The following TMTC2 variants were observed in gnomAD, a reference collection of about 807,000 sequenced individuals.
The protein encoded by TMTC2 is transmembrane O-mannosyltransferase targeting cadherins 2, also known as protein O-mannosyl-transferase TMTC2.
In TMTC2, 43 loss-of-function variants were observed where a neutral mutation model predicts 82.4. The observed-to-expected ratio is 0.52, with a 90% CI of 0.41 to 0.67. TMTC2 has a LOEUF of 0.67. TMTC2 is among the 30% of genes least tolerant of loss of function. The probability of loss-of-function intolerance (pLI) is 0.00; values close to 1 mark genes in which losing one functional copy is unlikely to be tolerated. For synonymous variants in TMTC2, 408 were observed against 381.9 expected (o/e 1.07, Z -0.80); for missense variants, 919 against 1,012.4 (o/e 0.91, Z 1.25).
intron 1 of TMTC2, among the ~76,000 whole-genome samples, chr12:82,725,030 A>G (rs1355857508): frequency 6.6e-6 from 1 of 152,158 alleles, no homozygotes. Flanking sequence ...TAATTATCCA[A>G]AATTTCTGAG....
intron 1 of TMTC2, among the ~76,000 whole-genome samples, chr12:82,750,608 G>A (rs1441090109): frequency 1.3e-5 from 2 of 152,118 alleles, no homozygotes; most frequent in Non-Finnish European, 1.5e-5. Context: ...TTTTCACAGT[G>A]CTGTGAGATA....
intron 3 of TMTC2, among the ~76,000 whole-genome samples, chr12:82,898,933 G>A (rs1873819298): frequency 6.6e-6 from 1 of 152,180 alleles, no homozygotes; most frequent in African/African-American, 2.4e-5. Flanking sequence ...AAAACGTTTT[G>A]TAACGCTTAG....
In TMTC2 at chr12:82,750,154, GT is replaced by G. The variant is rs527552058; in HGVS notation, c.83+62493del. Among the ~76,000 whole-genome samples, 90 of 151,618 alleles carry G rather than the reference GT, an allele frequency of 5.9e-4. 1 individual carries two copies. The East Asian group carries it at 0.014, about 23-fold the overall frequency. ...ATGGCTCACTACATACTTATTTGTA[GT>G]TTTTTTTCTCATTCCTTTAATTGTA... is the stretch of plus-strand genomic sequence containing the variant. On this transcript the variant is annotated intron_variant, in intron 1 of 11. Transcript: ENST00000321196.
At chr12:82,972,260 C>T (rs1227106350) in intron 7 of TMTC2, among the ~76,000 whole-genome samples, 1 of 152,040 alleles carries the variant, frequency 6.6e-6, no homozygotes, top group Admixed American at 6.5e-5. Context: ...TTTCATCATA[C>T]TGTTCTGATT....
At chr12:82,981,172 CTTCTT>C (rs994008508) in intron 7 of TMTC2, among the ~76,000 whole-genome samples, 3 of 151,790 alleles carry the variant, frequency 2.0e-5, no homozygotes, top group Admixed American at 2.0e-4. Context: ...TTACTTTTGT[CTTCTT>C]TTCTTAACAG....
chr12:82,747,218 G>A (rs1002996960), intron 1 of TMTC2, among the ~76,000 whole-genome samples: 68 of 152,152 alleles, frequency 4.5e-4, no homozygotes, highest in Non-Finnish European at 5.1e-4. Context: ...TATATGAGAG[G>A]TGCTAATTAA....
intron 11 of TMTC2, among the ~76,000 whole-genome samples, chr12:83,122,177 C>A (rs1465281713): frequency 6.6e-6 from 1 of 152,016 alleles, no homozygotes; most frequent in East Asian, 1.9e-4. Flanking sequence ...GCTATGAAAG[C>A]AAGTTTCGCC....
chr12:82,741,453 G>C (rs1307652672), intron 1 of TMTC2, among the ~76,000 whole-genome samples: 1 of 152,132 alleles, frequency 6.6e-6, no homozygotes, highest in African/African-American at 2.4e-5. Flanking sequence ...TGGGACTACA[G>C]GCACGCGCCA....
At chr12:82,753,332 T>G (rs1876119453) in intron 1 of TMTC2, among the ~76,000 whole-genome samples, 1 of 151,930 alleles carries the variant, frequency 6.6e-6, no homozygotes. Context: ...ATGGCTTTTT[T>G]TTTTTTTTTT....
At chr12:82,877,048 T>A in intron 2 of TMTC2, among the ~76,000 whole-genome samples, 1 of 129,144 alleles carries the variant, frequency 7.7e-6, no homozygotes, top group East Asian at 2.4e-4. Context: ...GCTGTACCTG[T>A]GGTTACTAAT....
At chr12:82,708,735 T>G (rs2136909531) in intron 1 of TMTC2, among the ~76,000 whole-genome samples, 1 of 152,346 alleles carries the variant, frequency 6.6e-6, no homozygotes, top group East Asian at 1.9e-4. Context: ...CCTCCTTAGC[T>G]GCAAGCCTGT....
chr12:82,991,469 A>G (rs1879400951), intron 8 of TMTC2, among the ~76,000 whole-genome samples: 1 of 152,188 alleles, frequency 6.6e-6, no homozygotes, highest in South Asian at 2.1e-4. Flanking sequence ...ATAAGACTTC[A>G]GTTTTAGGCT....
rs565649471 is a variant in TMTC2, at chr12:83,000,141, A to G, written c.2070+14095A>G. On this transcript the variant is annotated intron_variant, in intron 8 of 11. Transcript: ENST00000321196. ...GTCCAAAATCCAGTGGGGGCAGTCA[A>G]TTTTTTTTTTTGAGGCAGATTCTCG... Among the ~76,000 whole-genome samples, 684 of 150,844 alleles carry G rather than the reference A, an allele frequency of 4.5e-3. 9 individuals carry two copies. Among genetic ancestry groups the G allele is most frequent in the African/African-American group, 0.016 (657 of 41,008 alleles).
At chr12:83,076,659 T>G (rs1357268153) in intron 11 of TMTC2, among the ~76,000 whole-genome samples, 1 of 152,226 alleles carries the variant, frequency 6.6e-6, no homozygotes, top group Non-Finnish European at 1.5e-5. Context: ...TCTCCTTGGT[T>G]GTTCCCATAG....
At chr12:83,007,549 G>A (rs528274861) in intron 8 of TMTC2, among the ~76,000 whole-genome samples, 106 of 151,950 alleles carry the variant, frequency 7.0e-4, no homozygotes, top group African/African-American at 2.5e-3. Context: ...ATTACCTTAC[G>A]GAGTATTCAC....
chr12:82,968,119 A>G (rs1565832744), intron 7 of TMTC2, among the ~76,000 whole-genome samples: 1 of 152,168 alleles, frequency 6.6e-6, no homozygotes, highest in Non-Finnish European at 1.5e-5. Flanking sequence ...TATTTGGAAG[A>G]GGTTAAAATA....
chr12:83,091,041 C>T (rs1384583835), intron 11 of TMTC2, among the ~76,000 whole-genome samples: 1 of 152,104 alleles, frequency 6.6e-6, no homozygotes, highest in African/African-American at 2.4e-5. Flanking sequence ...GTTTGTTAAT[C>T]ACTGCAACCA....
At chr12:83,036,968 G>A (rs1881688509) in intron 9 of TMTC2, among the ~76,000 whole-genome samples, 1 of 152,078 alleles carries the variant, frequency 6.6e-6, no homozygotes, top group African/African-American at 2.4e-5. Flanking sequence ...AACTAATCCA[G>A]TCTCACCAGA....
chr12:82,710,040 C>T (rs12313503), intron 1 of TMTC2, among the ~76,000 whole-genome samples: 8,816 of 151,934 alleles, frequency 0.058, 503 homozygotes, highest in African/African-American at 0.12. Context: ...GTCCAGGCAG[C>T]GCTTACATTA....
Sources: allele counts gnomAD v4.1 joint callset (sites outside exome capture counted in the v4.1 genomes callset), GRCh38; gene constraint gnomAD v4.1.1; transcripts MANE v1.5; gene names NCBI Gene and HGNC (gene_info 2026-07-23, HGNC 2026-07-21).